LRBA: variants seen among roughly 807,000 people sequenced by gnomAD.
LRBA encodes the protein LPS responsive beige-like anchor protein, also known as lipopolysaccharide-responsive and beige-like anchor protein.
Under a neutral mutation model 330.0 loss-of-function variants are expected in LRBA, and 176 were observed. The observed-to-expected ratio is 0.53, with a 90% CI of 0.47 to 0.60. LRBA has a LOEUF of 0.60. LRBA is among the 20% of genes least tolerant of loss of function. The pLI, the probability that LRBA is intolerant of heterozygous loss-of-function variation, is 0.00. For synonymous variants in LRBA, 1,230 were observed against 1,193.0 expected, an observed-to-expected ratio of 1.03 and a Z score of -0.64; for missense variants, 3,259 against 3,444.8, an observed-to-expected ratio of 0.95 and a Z score of 1.35.
chr4:150,302,012 G>A (rs556173555), intron 53 of LRBA, among the ~76,000 whole-genome samples: 22 of 152,170 alleles, frequency 1.4e-4, no homozygotes, highest in African/African-American at 5.3e-4. Flanking sequence ...TGGTTTTAAT[G>A]GTAGCTGCTT....
chr4:150,922,045 G>A (rs376049872), intron 4 of LRBA, among the ~76,000 whole-genome samples: 96 of 151,898 alleles, frequency 6.3e-4, no homozygotes, highest in Non-Finnish European at 1.3e-3. Flanking sequence ...ATTTTTAGTA[G>A]AGACAGGGTT....
rs563238017 is a variant in LRBA at position 150,422,711 on chromosome 4, G to A, written c.7042-7121C>T. On this transcript the variant is annotated intron_variant, in intron 46 of 56. Transcript: ENST00000651943. The stretch of plus-strand genomic sequence containing the variant: ...ACTGGCACTGTGGGCACCACCAGGT[G>A]AGCCTCTGGAACCCACCTGAGGGCC... 43 of 762,362 alleles carry A rather than the reference G, an allele frequency of 5.6e-5. 1 individual carries two copies. The highest frequency in any genetic ancestry group is 5.1e-4 in the South Asian group (35 of 68,462). The allele number at this position is 762,362 out of a possible 1,614,324, so 47.2% of individuals were successfully genotyped here. A position where few individuals can be genotyped will look rare whatever the true frequency, so the allele number is the denominator to read the frequency against.
chr4:150,723,939 C>T (rs1331698500), intron 36 of LRBA, among the ~76,000 whole-genome samples: 3 of 152,240 alleles, frequency 2.0e-5, no homozygotes, highest in East Asian at 3.9e-4. Context: ...CCCTGTGGAC[C>T]GGTGGTGGGG....
intron 56 of LRBA, among the ~76,000 whole-genome samples, chr4:150,274,833 C>T (rs1407849247): frequency 6.6e-6 from 1 of 152,172 alleles, no homozygotes; most frequent in Non-Finnish European, 1.5e-5. Context: ...GACAGATTCA[C>T]AGCCAATTTC....
intron 37 of LRBA, among the ~76,000 whole-genome samples, chr4:150,609,452 G>C (rs1312767288): frequency 1.3e-5 from 2 of 152,176 alleles, no homozygotes; most frequent in Non-Finnish European, 2.9e-5. Flanking sequence ...AGAACTGAAA[G>C]AGTTACAGGA....
At chr4:150,779,042 C>A (rs549098661) in intron 34 of LRBA, among the ~76,000 whole-genome samples, 1 of 152,282 alleles carries the variant, frequency 6.6e-6, no homozygotes, top group Non-Finnish European at 1.5e-5. Context: ...TACTTCAGGA[C>A]ATGGGTGCAA....
intron 37 of LRBA, among the ~76,000 whole-genome samples, chr4:150,626,931 C>T (rs1450207214): frequency 1.3e-5 from 2 of 151,964 alleles, no homozygotes. Context: ...AACAGTAACT[C>T]ACTTCTTCTA....
intron 42 of LRBA, among the ~76,000 whole-genome samples, chr4:150,485,930 G>A (rs935758276): frequency 3.3e-5 from 5 of 151,970 alleles, no homozygotes; most frequent in African/African-American, 1.2e-4. Flanking sequence ...GCCAGAGGCA[G>A]AGGAGTGGGG....
intron 49 of LRBA, among the ~76,000 whole-genome samples, chr4:150,323,410 C>G (rs1338718182): frequency 6.6e-6 from 1 of 152,152 alleles, no homozygotes; most frequent in Non-Finnish European, 1.5e-5. Flanking sequence ...AGCTTAACAG[C>G]TCATACTATA....
chr4:150,573,587 T>C (rs555909017), intron 40 of LRBA, among the ~76,000 whole-genome samples: 4 of 152,312 alleles, frequency 2.6e-5, no homozygotes, highest in Admixed American at 2.6e-4. Flanking sequence ...ATATGCTATC[T>C]TTTCTTGCCT....
chr4:150,791,208 C>A (rs1369100014), intron 34 of LRBA, among the ~76,000 whole-genome samples: 1 of 152,092 alleles, frequency 6.6e-6, no homozygotes, highest in Non-Finnish European at 1.5e-5. Flanking sequence ...ATGCTTCAGC[C>A]CCAGTAGCGG....
At chr4:150,390,555 T>A (rs905687566) in intron 47 of LRBA, among the ~76,000 whole-genome samples, 3 of 152,152 alleles carry the variant, frequency 2.0e-5, no homozygotes, top group African/African-American at 7.2e-5. Flanking sequence ...TTGACACATA[T>A]TTCTTATTCC....
At position 150,464,689 on chromosome 4, in the gene LRBA, G is replaced by A. The variant is rs980300570; in HGVS notation, c.6780+2984C>T. On this transcript the variant is annotated intron_variant, in intron 44 of 56. Coordinates refer to ENST00000651943, the MANE Select transcript of LRBA (RefSeq NM_001364905.1). ...ACGTTTGTGGTCAGCTGGCAGGTCA[G>A]CTGAGGACTAGCTTGTTAAGGATGA... Among the ~76,000 whole-genome samples the A allele has an allele frequency of 2.0e-5, 3 of 152,048 alleles. 1 individual carries two copies. Among genetic ancestry groups the A allele is most frequent in the Admixed American group, 6.6e-5 (1 of 15,256 alleles).
At chr4:150,860,555 C>T (rs570829413) in intron 22 of LRBA, among the ~76,000 whole-genome samples, 10 of 152,192 alleles carry the variant, frequency 6.6e-5, no homozygotes, top group Admixed American at 1.3e-4. Context: ...AGGCCGGGCG[C>T]GGTGGTTCAC....
chr4:150,758,316 T>A (rs1172988274), intron 35 of LRBA, among the ~76,000 whole-genome samples: 1 of 152,216 alleles, frequency 6.6e-6, no homozygotes, highest in Non-Finnish European at 1.5e-5. Flanking sequence ...CTGTCTGCTA[T>A]ATAAAGATCT....
rs72719620 is a variant in LRBA at position 150,796,332 on chromosome 4, T to C, written c.5580+1749A>G. ...GAAAATTCAAAGTGAAAAATGTAAT[T>C]ATCACCCCAGAACAATCTGTATACA... On this transcript the variant is annotated intron_variant, in intron 34 of 56. Transcript: ENST00000651943. Among the ~76,000 whole-genome samples, 241 of 152,072 alleles carry C rather than the reference T, an allele frequency of 1.6e-3. 1 individual carries two copies. Among genetic ancestry groups the C allele is most frequent in the Admixed American group, 3.5e-3 (54 of 15,284 alleles).
chr4:150,721,217 A>G, intron 36 of LRBA: 1 of 466,254 alleles, frequency 2.1e-6, no homozygotes, highest in Non-Finnish European at 4.1e-6. Flanking sequence ...TAGAAGTAGA[A>G]ACCCAAGAAG....
intron 34 of LRBA, among the ~76,000 whole-genome samples, chr4:150,796,599 T>C (rs953954319): frequency 2.6e-5 from 4 of 151,926 alleles, no homozygotes; most frequent in South Asian, 4.1e-4. Context: ...ACATGATAAA[T>C]AGGCATATTA....
At chr4:150,835,778 T>C (rs186511300) in intron 28 of LRBA, among the ~76,000 whole-genome samples, 13 of 152,286 alleles carry the variant, frequency 8.5e-5, no homozygotes, top group Middle Eastern at 3.4e-3. Flanking sequence ...CTTTTCCTAA[T>C]TGAATACCCT....
Sources: gnomAD v4.1 joint callset for allele counts (sites outside exome capture counted in the v4.1 genomes callset) on GRCh38, gnomAD v4.1.1 for gene constraint, MANE v1.5 for transcripts, NCBI Gene and HGNC (gene_info 2026-07-23, HGNC 2026-07-21) for gene names.